The following LBH variants were observed in gnomAD, a reference collection of about 807,000 sequenced individuals.
LBH encodes LBH regulator of Wnt signaling pathway.
Under a neutral mutation model 12.5 loss-of-function variants are expected in LBH, and 7 were observed. That is an observed-to-expected ratio of 0.56 (90% confidence interval 0.32 to 1.05). LBH has a LOEUF of 1.05. Ranked by LOEUF, LBH falls within the 50% of genes least tolerant of loss-of-function variation. The probability of loss-of-function intolerance (pLI) is 0.04; values close to 1 mark genes in which losing one functional copy is unlikely to be tolerated. For missense variants in LBH, 119 were observed against 138.9 expected, an observed-to-expected ratio of 0.86 and a Z score of 0.72; for synonymous variants, 51 against 50.1, an observed-to-expected ratio of 1.02 and a Z score of -0.08.
chr2:30,238,675 A>G (rs1175156426), intron 2 of LBH, among the ~76,000 whole-genome samples: 1 of 152,172 alleles, frequency 6.6e-6, no homozygotes, highest in Non-Finnish European at 1.5e-5. Context: ...TTTCTATGGT[A>G]GGGAAGAGCA....
chr2:30,251,393 G>A (rs1371119827), intron 2 of LBH, among the ~76,000 whole-genome samples: 1 of 152,028 alleles, frequency 6.6e-6, no homozygotes, highest in Non-Finnish European at 1.5e-5. Context: ...ACGAAGCCTT[G>A]AAGCTCCCTT....
intron 2 of LBH, among the ~76,000 whole-genome samples, chr2:30,257,138 A>C (rs1288810156): frequency 6.6e-6 from 1 of 152,244 alleles, no homozygotes; most frequent in East Asian, 1.9e-4. Context: ...TTTTATCTGC[A>C]AATAAAATAC....
chr2:30,254,839 G>A (rs917964075), intron 2 of LBH, among the ~76,000 whole-genome samples: 5 of 152,226 alleles, frequency 3.3e-5, no homozygotes, highest in South Asian at 2.1e-4. Context: ...AGCTTATGGC[G>A]CTGTCTTGGA....
chr2:30,245,349 G>T (rs1002876618), intron 2 of LBH, among the ~76,000 whole-genome samples: 6 of 152,192 alleles, frequency 3.9e-5, no homozygotes, highest in African/African-American at 7.2e-5. Context: ...ATGTCAATAT[G>T]TATAATATAT....
chr2:30,258,477 A>T lies in LBH; in HGVS notation c.*856A>T, dbSNP rs10171305. 0.17 allele frequency: 25,920 copies of T among 152,216 alleles called. 2,420 individuals are homozygous for T. Among genetic ancestry groups the T allele is most frequent in the Non-Finnish European group, 0.2 (13,438 of 68,012 alleles). 9.4% of individuals were successfully genotyped at this position (152,216 alleles called of 1,614,324 possible). A position where few individuals can be genotyped will look rare whatever the true frequency, so the allele number is the denominator to read the frequency against. On this transcript the variant is annotated 3_prime_UTR_variant, in exon 3 of 3. Transcript: ENST00000395323. ...CCTTGTTGGAAGCCCCAGGGTGGAC[A>T]CTCAGCACGAAGGTCTCTCCCTTAA...
intron 1 of LBH, 73 bp downstream of exon 1, chr2:30,231,837 C>CG (rs2103553928): frequency 7.2e-7 from 1 of 1,394,484 alleles, no homozygotes; most frequent in African/African-American, 1.5e-5. Flanking sequence ...TGCTTCGTGC[C>CG]GGCTCCGGGT....
intron 1 of LBH, among the ~76,000 whole-genome samples, chr2:30,233,839 C>G (rs978033053): frequency 6.6e-6 from 1 of 152,188 alleles, no homozygotes; most frequent in African/African-American, 2.4e-5. Context: ...GAAAAGCTGA[C>G]CCCTTGGGGC....
At chr2:30,240,422 C>T (rs1355100614) in intron 2 of LBH, among the ~76,000 whole-genome samples, 1 of 152,108 alleles carries the variant, frequency 6.6e-6, no homozygotes, top group African/African-American at 2.4e-5. Context: ...AGGCCTGAGT[C>T]CTGAAGTAGT....
Position 30,232,399 on chromosome 2 carries a change from G to A in LBH, c.26+635G>A, listed in dbSNP as rs1677606497. On this transcript the variant is annotated intron_variant, in intron 1 of 2. Transcript: ENST00000395323. ...TGGGAGGAGCCGCCTTCGCCGTGCTGAAGGGGAAGGAGCCCGGGCCGGGCG... is the reference window on the plus strand; with the variant it reads ...TGGGAGGAGCCGCCTTCGCCGTGCTAAAGGGGAAGGAGCCCGGGCCGGGCG... The A allele has an allele frequency of 7.6e-6, 6 of 785,932 alleles. No individual in the cohort carries two copies. The South Asian group carries it at 1.4e-4, about 19-fold the overall frequency. 48.7% of individuals were successfully genotyped at this position (785,932 alleles called of 1,614,324 possible).
At chr2:30,255,783 A>C (rs920983620) in intron 2 of LBH, among the ~76,000 whole-genome samples, 4 of 151,874 alleles carry the variant, frequency 2.6e-5, no homozygotes, top group Non-Finnish European at 5.9e-5. Flanking sequence ...GTAATGGGTG[A>C]CTCCTGTCTG....
chr2:30,257,552 G>C lies in LBH; in HGVS notation c.249G>C (p.Glu83Asp). The change falls in exon 3 of 3, where the codon GAG becomes GAC. Residue 83 changes from glutamate to aspartate, a missense_variant. Physicochemically the swap from Glu to Asp is conservative, Grantham distance 45. Coordinates refer to ENST00000395323, the MANE Select transcript of LBH (RefSeq NM_030915.4). ...GCGGGGAGCTCCGGTGGCCCCCTGA[G>C]GAGTTCCTGGTCCAGGAGGATGAGC... ...VESGELRWPPEEFLVQEDEQD... is the reference protein window; with the variant it reads ...VESGELRWPPDEFLVQEDEQD... 1 of 1,614,190 alleles carries C rather than the reference G, an allele frequency of 6.2e-7. No homozygotes were observed. Among genetic ancestry groups the C allele is most frequent in the South Asian group, 1.1e-5 (1 of 91,082 alleles).
At chr2:30,248,968 C>A (rs1677924522) in intron 2 of LBH, among the ~76,000 whole-genome samples, 2 of 150,852 alleles carry the variant, frequency 1.3e-5, no homozygotes, top group South Asian at 4.1e-4. Context: ...CAAATCTTTG[C>A]TTAAGTCCTC....
chr2:30,245,216 C>T (rs1677851519), intron 2 of LBH, among the ~76,000 whole-genome samples: 1 of 152,214 alleles, frequency 6.6e-6, no homozygotes, highest in East Asian at 1.9e-4. Flanking sequence ...AGTAAGAATA[C>T]AAGATTTGAC....
At chr2:30,245,804 G>A (rs1013761499) in intron 2 of LBH, among the ~76,000 whole-genome samples, 15 of 152,072 alleles carry the variant, frequency 9.9e-5, no homozygotes, top group African/African-American at 2.7e-4. Flanking sequence ...CTAATCCTAA[G>A]ATGTGCCCGT....
intron 2 of LBH, among the ~76,000 whole-genome samples, chr2:30,249,919 G>A (rs181160383): frequency 3.2e-4 from 49 of 152,320 alleles, no homozygotes; most frequent in Middle Eastern, 3.4e-3. Context: ...ATAGGCCACC[G>A]CTTCGATGAG....
intron 2 of LBH, among the ~76,000 whole-genome samples, chr2:30,253,438 A>G (rs1678022781): frequency 6.6e-6 from 1 of 152,208 alleles, no homozygotes. Context: ...AAGATCTCTG[A>G]TGGAAGGGTT....
At chr2:30,235,804 A>C (rs746570403) in intron 2 of LBH, among the ~76,000 whole-genome samples, 7 of 152,146 alleles carry the variant, frequency 4.6e-5, no homozygotes, top group Non-Finnish European at 7.3e-5. Flanking sequence ...AACTTCAGAC[A>C]TGCTTGGGAG....
intron 2 of LBH, among the ~76,000 whole-genome samples, chr2:30,240,762 G>T (rs533194479): frequency 2.6e-5 from 4 of 152,068 alleles, no homozygotes; most frequent in African/African-American, 9.7e-5. Context: ...CCCCCTCTCC[G>T]GTGGACTTAA....
In LBH at chr2:30,259,838, TTG is replaced by T. The variant is rs893939595; in HGVS notation, c.*2223_*2224del. 4.6e-5 allele frequency: 7 copies of T among 152,236 alleles called. No individual in the cohort carries two copies. Among genetic ancestry groups the T allele is most frequent in the Non-Finnish European group, 1.0e-4 (7 of 67,938 alleles). 9.4% of individuals were successfully genotyped at this position (152,236 alleles called of 1,614,324 possible). ...CCTCTTTTTTTTTTTTTCAAGTAATTTGTGTGTATTTCTAACTGATTGTATTG... is the reference window on the plus strand; with the variant it reads ...CCTCTTTTTTTTTTTTTCAAGTAATTTGTGTATTTCTAACTGATTGTATTG... On this transcript the variant is annotated 3_prime_UTR_variant, in exon 3 of 3. Coordinates refer to ENST00000395323, the MANE Select transcript of LBH (RefSeq NM_030915.4).
Sources: gnomAD v4.1 joint callset for allele counts (sites outside exome capture counted in the v4.1 genomes callset) on GRCh38, gnomAD v4.1.1 for gene constraint, MANE v1.5 for transcripts, NCBI Gene and HGNC (gene_info 2026-07-23, HGNC 2026-07-21) for gene names.